The following ASXL3 variants were observed in gnomAD, a reference collection of about 807,000 sequenced individuals.
ASXL3 encodes ASXL transcriptional regulator 3, also known as putative Polycomb group protein ASXL3.
In ASXL3, 34 loss-of-function variants were observed where a neutral mutation model predicts 170.6. That is an observed-to-expected ratio of 0.20 (90% CI 0.15 to 0.27). ASXL3 has a LOEUF of 0.27. Among genes scored for constraint, ASXL3 ranks in the 10% least tolerant of loss-of-function variants. ASXL3 has a pLI of 1.00. For missense variants in ASXL3, 2,592 were observed against 2,695.3 expected, an observed-to-expected ratio of 0.96 and a Z score of 0.85; for synonymous variants, 1,002 against 989.1, an observed-to-expected ratio of 1.01 and a Z score of -0.24.
At chr18:33,642,256 G>A (rs905598885) in intron 2 of ASXL3, among the ~76,000 whole-genome samples, 3 of 152,072 alleles carry the variant, frequency 2.0e-5, no homozygotes, top group African/African-American at 7.2e-5. Context: ...TTATGGAATT[G>A]ATGAGGATAG....
chr18:33,626,406 G>A (rs1371389335), intron 2 of ASXL3, among the ~76,000 whole-genome samples: 4 of 152,078 alleles, frequency 2.6e-5, no homozygotes, highest in Admixed American at 2.6e-4. Flanking sequence ...TCAAGGTGAT[G>A]GTAGTTAGAC....
chr18:33,734,055 T>A (rs2067501604), intron 9 of ASXL3, among the ~76,000 whole-genome samples: 1 of 140,912 alleles, frequency 7.1e-6, no homozygotes, highest in Non-Finnish European at 1.6e-5. Context: ...GCTTTAGCAT[T>A]CTTCTAAAGC....
In ASXL3 at chr18:33,739,319, T is replaced by C. The variant is rs1299828394; in HGVS notation, c.1915T>C (p.Ser639Pro). The C allele has an allele frequency of 1.2e-6, 2 of 1,613,530 alleles. No individual in the cohort carries two copies. The highest frequency in any genetic ancestry group is 1.7e-6 in the Non-Finnish European group (2 of 1,179,648). The change falls in exon 11 of 12, where the codon TCA becomes CCA. Residue 639 changes from serine to proline, a missense_variant. This residue lies in a region of ASXL3 where 2,246 missense variants were observed against 2,219.6 expected (regional missense o/e 1.01). Transcript: ENST00000269197. ...GGETQSTSEE[S>P]CTPASLETTF... Reference sequence around the variant, plus strand: ...GGAAACACAGTCCACATCAGAAGAATCATGTACTCCAGCCTCCCTTGAGAC... The same window carrying C: ...GGAAACACAGTCCACATCAGAAGAACCATGTACTCCAGCCTCCCTTGAGAC...
chr18:33,598,021 G>A (rs565025064), intron 1 of ASXL3, among the ~76,000 whole-genome samples: 33 of 152,176 alleles, frequency 2.2e-4, no homozygotes, highest in African/African-American at 5.8e-4. Context: ...TGCTCTTCAC[G>A]TTATCCTGCA....
In ASXL3 at chr18:33,732,069, A is replaced by G. The variant is rs754465235; in HGVS notation, c.976+5A>G. On this transcript the variant is annotated splice_donor_5th_base_variant and intron_variant, in intron 9 of 11. Coordinates refer to ENST00000269197, the MANE Select transcript of ASXL3 (RefSeq NM_030632.3). ...GGAAACAGCGACTGGCAGAAGGTAA[A>G]TTTGTATTTTCTATTATTATGTGAC... The G allele has an allele frequency of 1.0e-4, 161 of 1,608,614 alleles. 2 individuals carry two copies. In the South Asian group the frequency reaches 1.4e-3, roughly 14 times the overall value.
At chr18:33,591,072 G>C (rs1002735120) in intron 1 of ASXL3, among the ~76,000 whole-genome samples, 3 of 152,160 alleles carry the variant, frequency 2.0e-5, no homozygotes, top group Non-Finnish European at 2.9e-5. Flanking sequence ...CTCATTTTCT[G>C]AATATTGAGA....
chr18:33,626,516 C>G lies in ASXL3; in HGVS notation c.138-18378C>G, dbSNP rs543811894. ...GGCATTGCTATTCTATCTGCTGGGT[C>G]AAGGCTTTTTTTTTTTTCCTCATGC... On this transcript the variant is annotated intron_variant, in intron 2 of 11. Coordinates refer to ENST00000269197, the MANE Select transcript of ASXL3 (RefSeq NM_030632.3). The G allele has an allele frequency of 5.3e-5, 8 of 149,938 alleles. No homozygotes were observed. The East Asian group carries it at 9.8e-4, about 18-fold the overall frequency. The allele number at this position is 149,938 out of a possible 1,614,324, so 9.3% of individuals were successfully genotyped here.
intron 1 of ASXL3, 136 bp downstream of exon 1, chr18:33,578,821 T>C: frequency 2.1e-6 from 1 of 475,870 alleles, no homozygotes; most frequent in Non-Finnish European, 2.9e-6. Flanking sequence ...TCTTTGTTAT[T>C]CTGCGGGAGT....
At chr18:33,647,520 G>A (rs545670927) in intron 4 of ASXL3, among the ~76,000 whole-genome samples, 80 of 152,132 alleles carry the variant, frequency 5.3e-4, no homozygotes, top group African/African-American at 1.8e-3. Flanking sequence ...ATTAGAGAGG[G>A]GAAAAGGCAG....
In ASXL3 at chr18:33,744,217, C is replaced by G; in HGVS notation, c.4369C>G (p.Pro1457Ala). Reference protein sequence around the residue: ...ADNSGKPQQPPGGFAPAAINR... With the variant: ...ADNSGKPQQPAGGFAPAAINR... The stretch of plus-strand genomic sequence containing the variant: ...TAATTCTGGAAAACCTCAGCAACCA[C>G]CAGGGGGCTTTGCACCAGCAGCCAT... Residue 1457 changes from proline (P) to alanine (A), a missense_variant, in exon 12 of 12, where the codon CCA becomes GCA. Physicochemically the swap from Pro to Ala is conservative, Grantham distance 27. This residue lies in a region of ASXL3 where 2,246 missense variants were observed against 2,219.6 expected (regional missense o/e 1.01). Coordinates refer to ENST00000269197, the MANE Select transcript of ASXL3 (RefSeq NM_030632.3). 1 of 1,613,924 alleles carries G rather than the reference C, an allele frequency of 6.2e-7. No individual in the cohort carries two copies. The highest frequency in any genetic ancestry group is 1.1e-5 in the South Asian group (1 of 91,086).
intron 4 of ASXL3, among the ~76,000 whole-genome samples, chr18:33,646,892 G>GC (rs2065924547): frequency 7.7e-6 from 1 of 129,510 alleles, no homozygotes; most frequent in Admixed American, 8.0e-5. Flanking sequence ...GGGGGGGGGG[G>GC]CATTTTTCAC....
intron 4 of ASXL3, among the ~76,000 whole-genome samples, chr18:33,653,996 T>C (rs978631889): frequency 6.6e-6 from 1 of 152,030 alleles, no homozygotes; most frequent in Non-Finnish European, 1.5e-5. Context: ...TTTAGAGACC[T>C]CTTTTTCTTA....
At chr18:33,653,176 T>C (rs1285905463) in intron 4 of ASXL3, among the ~76,000 whole-genome samples, 2 of 152,038 alleles carry the variant, frequency 1.3e-5, no homozygotes, top group African/African-American at 2.4e-5. Context: ...TAGTTTTACA[T>C]TGGATGTTCT....
intron 7 of ASXL3, among the ~76,000 whole-genome samples, chr18:33,675,039 G>T (rs1426739541): frequency 6.6e-6 from 1 of 152,130 alleles, no homozygotes; most frequent in Non-Finnish European, 1.5e-5. Flanking sequence ...TTAACTCCTT[G>T]GAACAGTGGC....
At chr18:33,586,610 C>T (rs1056090447) in intron 1 of ASXL3, among the ~76,000 whole-genome samples, 5 of 152,010 alleles carry the variant, frequency 3.3e-5, no homozygotes, top group Non-Finnish European at 5.9e-5. Context: ...TCAGTTGCCC[C>T]TTTAGTGTTG....
At chr18:33,720,045 G>A (rs1291424668) in intron 8 of ASXL3, among the ~76,000 whole-genome samples, 4 of 152,000 alleles carry the variant, frequency 2.6e-5, no homozygotes, top group Non-Finnish European at 4.4e-5. Context: ...TAAAGGGGAG[G>A]AGAGGCTAAG....
chr18:33,589,229 C>T (rs111376285), intron 1 of ASXL3, among the ~76,000 whole-genome samples: 118 of 152,066 alleles, frequency 7.8e-4, no homozygotes, highest in East Asian at 1.5e-3. Flanking sequence ...TAATATCTAC[C>T]GTAAAGAGTG....
At position 33,749,071 on chromosome 18, in the gene ASXL3, G is replaced by A. The variant is rs1323689343; in HGVS notation, c.*2476G>A. 1 of 122,136 alleles carries A rather than the reference G, an allele frequency of 8.2e-6. No homozygotes were observed. The highest frequency in any genetic ancestry group is 1.6e-5 in the Non-Finnish European group (1 of 63,116). 7.6% of individuals were successfully genotyped at this position (122,136 alleles called of 1,614,324 possible). On this transcript the variant is annotated 3_prime_UTR_variant, in exon 12 of 12. Transcript: ENST00000269197. ...CAGGTCCGATTAGCATAATTTTTCT[G>A]CGCCCTTTTTTTTTTTTTTTTTGCT...
chr18:33,671,355 A>G (rs962638443), intron 6 of ASXL3, among the ~76,000 whole-genome samples: 1 of 152,172 alleles, frequency 6.6e-6, no homozygotes, highest in Non-Finnish European at 1.5e-5. Context: ...ACATAAAGCT[A>G]TTTATAAAGG....
Sources: gnomAD v4.1 joint callset for allele counts (sites outside exome capture counted in the v4.1 genomes callset) on GRCh38, gnomAD v4.1.1 for gene constraint, gnomAD v4.1.1 regional missense constraint, MANE v1.5 for transcripts, NCBI Gene and HGNC (gene_info 2026-07-23, HGNC 2026-07-21) for gene names.